The following PPM1B variants were observed in gnomAD, a reference collection of about 807,000 sequenced individuals.
PPM1B encodes the protein protein phosphatase 1B.
A neutral mutation model predicts 43.0 loss-of-function variants in PPM1B; 22 were observed. The ratio of observed to expected loss-of-function variants is 0.51; its 90% confidence interval spans 0.37 to 0.73. The LOEUF is 0.73. Ranked by LOEUF, PPM1B falls within the 30% of genes least tolerant of loss-of-function variation. The pLI, the probability that PPM1B is intolerant of heterozygous loss-of-function variation, is 0.00. For synonymous variants in PPM1B, 217 were observed against 197.9 expected, an observed-to-expected ratio of 1.10 and a Z score of -0.81; for missense variants, 632 against 584.2, an observed-to-expected ratio of 1.08 and a Z score of -0.84.
intron 2 of PPM1B, among the ~76,000 whole-genome samples, chr2:44,204,949 T>A (rs965988672): frequency 1.3e-5 from 2 of 151,772 alleles, no homozygotes; most frequent in Admixed American, 1.3e-4. Context: ...TGTGGTCAGG[T>A]ATTATCCTAT....
At chr2:44,175,913 G>A (rs1210415461) in intron 1 of PPM1B, among the ~76,000 whole-genome samples, 1 of 151,700 alleles carries the variant, frequency 6.6e-6, no homozygotes, top group Non-Finnish European at 1.5e-5. Flanking sequence ...AGTCTCCCGA[G>A]TAGCTGGGAT....
intron 1 of PPM1B, among the ~76,000 whole-genome samples, chr2:44,178,575 C>T (rs1214544527): frequency 4.6e-5 from 7 of 151,638 alleles, no homozygotes; most frequent in Non-Finnish European, 2.9e-5. Flanking sequence ...TCAAGCGATA[C>T]TCCTGTTTCA....
At chr2:44,238,333 T>G (rs113782379), downstream of PPM1B, among the ~76,000 whole-genome samples, 1,144 of 152,330 alleles carry the variant, frequency 7.5e-3, 9 homozygotes, top group African/African-American at 0.021. Context: ...TATTTAATAT[T>G]TGCTATTAAA....
chr2:44,234,530 A>C, downstream of PPM1B: 1 of 914,652 alleles, frequency 1.1e-6, no homozygotes. Context: ...AAAAAAAAAA[A>C]AAGAAAAAAA....
At chr2:44,202,301 A>G (rs188018089) in intron 2 of PPM1B, among the ~76,000 whole-genome samples, 1 of 152,322 alleles carries the variant, frequency 6.6e-6, no homozygotes, top group African/African-American at 2.4e-5. Context: ...TGCTGTAGCA[A>G]AAGCATTTAC....
intron 1 of PPM1B, among the ~76,000 whole-genome samples, chr2:44,198,700 A>C (rs1174720705): frequency 6.6e-6 from 1 of 151,860 alleles, no homozygotes; most frequent in Non-Finnish European, 1.5e-5. Context: ...AGGGCCATTA[A>C]CTCTCTCAGA....
rs1049628565 is a variant in PPM1B, at chr2:44,230,573, C to T, written c.1295C>T (p.Pro432Leu). 1 of 1,614,180 alleles carries T rather than the reference C, an allele frequency of 6.2e-7. No individual in the cohort carries two copies. The highest frequency in any genetic ancestry group is 8.5e-7 in the Non-Finnish European group (1 of 1,180,036). ...GAGGGAGAAGAAAGCCCTGCTGAAC[C>T]AGCTGCCACAGCTACTTCTTCGAAC... ...KVEGEESPAEPAATATSSNSD... is the reference protein window; with the variant it reads ...KVEGEESPAELAATATSSNSD... The change falls in exon 6 of 6, where the codon CCA (proline) becomes CTA (leucine). Residue 432 changes from proline to leucine, a missense_variant. By Grantham distance (98) the Pro-to-Leu change is moderately conservative (BLOSUM62 -3). Transcript: ENST00000282412.
chr2:44,210,029 C>G (rs1669385167), intron 3 of PPM1B, among the ~76,000 whole-genome samples: 1 of 152,032 alleles, frequency 6.6e-6, no homozygotes, highest in Non-Finnish European at 1.5e-5. Context: ...GTGGAGAATC[C>G]AGTGAAATTT....
chr2:44,181,125 T>C (rs1667853202), intron 1 of PPM1B, among the ~76,000 whole-genome samples: 1 of 152,106 alleles, frequency 6.6e-6, no homozygotes, highest in African/African-American at 2.4e-5. Context: ...TTAAATTGTT[T>C]GTATAGACAG....
chr2:44,201,087 A>G lies in PPM1B; in HGVS notation c.-14-99A>G. The stretch of plus-strand genomic sequence containing the variant: ...TCCCGTAAATTAGGATAATACTAAA[A>G]AAAATACTTGAGGTAGGAGTTACTA... On this transcript the variant is annotated intron_variant, in intron 1 of 5. Transcript: ENST00000282412. The surrounding 1 kb of genome is among the most constrained non-coding windows in gnomAD (Gnocchi z 5.4). The G allele has an allele frequency of 7.9e-7, 1 of 1,270,732 alleles. No homozygotes were observed. The highest frequency in any genetic ancestry group is 1.1e-6 in the Non-Finnish European group (1 of 940,624). 78.7% of individuals were successfully genotyped at this position (1,270,732 alleles called of 1,614,324 possible).
At chr2:44,234,155 G>A (rs1322538808), downstream of PPM1B, 3 of 975,938 alleles carry the variant, frequency 3.1e-6, no homozygotes, top group African/African-American at 5.3e-5. Flanking sequence ...ATTCCAAAGA[G>A]GAATTAACCA....
intron 1 of PPM1B, among the ~76,000 whole-genome samples, chr2:44,200,300 A>C (rs773612348): frequency 6.6e-6 from 1 of 152,174 alleles, no homozygotes; most frequent in African/African-American, 2.4e-5. Context: ...ATTCTTTTGC[A>C]TACTTTTGGG....
At chr2:44,242,401 A>T (rs1375541876) in intron 5 of PPM1B, among the ~76,000 whole-genome samples, 4 of 152,166 alleles carry the variant, frequency 2.6e-5, no homozygotes, top group East Asian at 1.9e-4. Context: ...TTTTCTCCTT[A>T]AAAAAGGTAA....
At chr2:44,227,497 A>G (rs1239582249) in intron 5 of PPM1B, among the ~76,000 whole-genome samples, 2 of 151,034 alleles carry the variant, frequency 1.3e-5, no homozygotes, top group African/African-American at 4.9e-5. Context: ...TCCAAAAAGC[A>G]TGGGCCATAC....
chr2:44,204,010 C>T (rs772619624), intron 2 of PPM1B, among the ~76,000 whole-genome samples: 25 of 152,028 alleles, frequency 1.6e-4, no homozygotes, highest in Non-Finnish European at 3.2e-4. Flanking sequence ...TAGATGGCAT[C>T]CTAGAATCTC....
chr2:44,241,293 G>A (rs1488647448), intron 5 of PPM1B, among the ~76,000 whole-genome samples: 1 of 143,724 alleles, frequency 7.0e-6, no homozygotes. Flanking sequence ...GTGAGCCACC[G>A]TGCCCGGCCA....
At chr2:44,192,186 T>TTACGG (rs1668435131) in intron 1 of PPM1B, among the ~76,000 whole-genome samples, 1 of 48,796 alleles carries the variant, frequency 2.0e-5, no homozygotes, top group Non-Finnish European at 4.3e-5. Context: ...TTATGTTATG[T>TTACGG]TATGGTATTG....
downstream of PPM1B, among the ~76,000 whole-genome samples, chr2:44,245,037 T>C (rs140987156): frequency 3.9e-5 from 6 of 152,204 alleles, no homozygotes; most frequent in African/African-American, 1.4e-4. Context: ...ACAATTTACG[T>C]ATCCATGCTG....
In PPM1B at chr2:44,241,489, T is replaced by G. The variant is rs1250984500; in HGVS notation, n.1547-2739T>G. On this transcript the variant is annotated intron_variant and non_coding_transcript_variant, in intron 5 of 5. Coordinates refer to the PPM1B transcript ENST00000378540. Reference sequence around the variant, plus strand: ...GCTCACACCTGTAATCCCGGCACTATGGGAGGGCCACCTGGAGAGATCACT... The same window carrying G: ...GCTCACACCTGTAATCCCGGCACTAGGGGAGGGCCACCTGGAGAGATCACT... Among the ~76,000 whole-genome samples, 2 of 143,396 alleles carry G rather than the reference T, an allele frequency of 1.4e-5. 1 individual carries two copies. Among genetic ancestry groups the G allele is most frequent in the Non-Finnish European group, 3.1e-5 (2 of 64,260 alleles). The allele number at this position is 143,396 out of a possible 152,430, so 94.1% of individuals were successfully genotyped here. A position where few individuals can be genotyped will look rare whatever the true frequency, so the allele number is the denominator to read the frequency against.
Sources: gnomAD v4.1 joint callset for allele counts (sites outside exome capture counted in the v4.1 genomes callset) on GRCh38, gnomAD v4.1.1 for gene constraint, Gnocchi (gnomAD v3.1) non-coding constraint, MANE v1.5 for transcripts, NCBI Gene and HGNC (gene_info 2026-07-23, HGNC 2026-07-21) for gene names.